Variants in GBE1 observed in about 807,000 individuals in gnomAD.
The protein encoded by GBE1 is 1,4-alpha-glucan branching enzyme 1.
Under a neutral mutation model 88.8 loss-of-function variants are expected in GBE1, and 70 were observed. The ratio of observed to expected loss-of-function variants is 0.79; its 90% confidence interval spans 0.65 to 0.96. The LOEUF (loss-of-function observed/expected upper bound fraction) is 0.96. GBE1 is among the 40% of genes least tolerant of loss of function. The pLI, the probability that GBE1 is intolerant of heterozygous loss-of-function variation, is 0.00. For synonymous variants in GBE1, 284 were observed against 300.1 expected (o/e 0.95, Z 0.56); for missense variants, 872 against 871.0 (o/e 1.00, Z -0.01).
intron 14 of GBE1, among the ~76,000 whole-genome samples, chr3:81,515,672 T>C (rs969958093): frequency 4.0e-5 from 6 of 151,652 alleles, no homozygotes; most frequent in African/African-American, 1.5e-4. Flanking sequence ...GGACAAAGGC[T>C]AGGTCCCTTA....
At chr3:81,722,886 G>A (rs1706052526) in intron 1 of GBE1, among the ~76,000 whole-genome samples, 1 of 104,854 alleles carries the variant, frequency 9.5e-6, no homozygotes, top group Non-Finnish European at 1.9e-5. Context: ...ACACGTGTGT[G>A]TGTGTGTGTG....
chr3:81,658,110 AT>A (rs1032667077), intron 3 of GBE1, among the ~76,000 whole-genome samples: 3 of 152,176 alleles, frequency 2.0e-5, no homozygotes, highest in Non-Finnish European at 4.4e-5. Context: ...ATCATAATGT[AT>A]TTTTTTTCTT....
intron 7 of GBE1, among the ~76,000 whole-genome samples, chr3:81,628,742 C>CATATATATATATATAT (rs71108330): frequency 4.1e-4 from 27 of 65,420 alleles, no homozygotes; most frequent in African/African-American, 6.3e-4. Flanking sequence ...AGAACAATTG[C>CATATATATATATATAT]ATATATATAT....
chr3:81,675,677 C>G (rs1340746878), intron 2 of GBE1, among the ~76,000 whole-genome samples: 1 of 151,980 alleles, frequency 6.6e-6, no homozygotes, highest in East Asian at 1.9e-4. Flanking sequence ...ACTCATATTC[C>G]TGTCTACTCT....
chr3:81,711,410 G>A (rs915207523), intron 1 of GBE1, among the ~76,000 whole-genome samples: 2 of 152,102 alleles, frequency 1.3e-5, no homozygotes, highest in African/African-American at 4.8e-5. Context: ...TTTTGGAAGG[G>A]TAAAAAAGCT....
At position 81,761,462 on chromosome 3, in the gene GBE1, T is replaced by C. The variant is rs769594412; in HGVS notation, c.56A>G (p.Asn19Ser). The C allele has an allele frequency of 1.5e-5, 24 of 1,613,392 alleles. No homozygotes were observed. Among genetic ancestry groups the C allele is most frequent in the African/African-American group, 6.7e-5 (5 of 74,908 alleles). Residue 19 changes from asparagine (N) to serine (S), a missense_variant, in exon 1 of 16, where the codon AAT (asparagine) becomes AGT (serine). By Grantham distance (46) the Asn-to-Ser change is conservative. Coordinates refer to ENST00000429644, the MANE Select transcript of GBE1 (RefSeq NM_000158.4). ...ARPEDYEAAL[N>S]AALADVPELA... ...TTCGGGCACGTCAGCCAGGGCGGCA[T>C]TGAGCGCCGCCTCGTAGTCCTCGGG...
At chr3:81,664,111 C>T (rs897007470) in intron 3 of GBE1, among the ~76,000 whole-genome samples, 5 of 151,876 alleles carry the variant, frequency 3.3e-5, no homozygotes, top group Admixed American at 2.6e-4. Flanking sequence ...TGCAAAAAGA[C>T]ACAGAAGTTG....
chr3:81,529,010 T>C (rs1702982575), intron 14 of GBE1, among the ~76,000 whole-genome samples: 1 of 152,078 alleles, frequency 6.6e-6, no homozygotes, highest in Non-Finnish European at 1.5e-5. Flanking sequence ...GCCATTTTGT[T>C]TTTTGTTTTC....
chr3:81,507,943 G>A (rs1234565624), intron 14 of GBE1, among the ~76,000 whole-genome samples: 1 of 152,142 alleles, frequency 6.6e-6, no homozygotes, highest in Non-Finnish European at 1.5e-5. Flanking sequence ...ATCCCTGCAA[G>A]TATGCTTCTT....
intron 1 of GBE1, among the ~76,000 whole-genome samples, chr3:81,716,243 A>G (rs1217029933): frequency 6.6e-6 from 1 of 152,200 alleles, no homozygotes; most frequent in Non-Finnish European, 1.5e-5. Flanking sequence ...GGCTACTTTC[A>G]GTCTCAAATT....
intron 1 of GBE1, among the ~76,000 whole-genome samples, chr3:81,706,575 C>A (rs925003559): frequency 1.3e-5 from 2 of 152,146 alleles, no homozygotes; most frequent in South Asian, 4.1e-4. Context: ...CCTCCCCATA[C>A]CCTCAGGGGT....
intron 14 of GBE1, chr3:81,534,944 T>C (rs528244891): frequency 2.2e-5 from 8 of 358,750 alleles, no homozygotes; most frequent in African/African-American, 1.8e-4. Context: ...TCCACAGCTC[T>C]TTCCTTTGAT....
chr3:81,722,376 C>T (rs957857344), intron 1 of GBE1, among the ~76,000 whole-genome samples: 5 of 152,050 alleles, frequency 3.3e-5, no homozygotes, highest in Non-Finnish European at 5.9e-5. Context: ...CACTGTATAT[C>T]AGAATGTAAC....
intron 7 of GBE1, among the ~76,000 whole-genome samples, chr3:81,637,754 A>G (rs1367303414): frequency 6.6e-6 from 1 of 152,132 alleles, no homozygotes; most frequent in Non-Finnish European, 1.5e-5. Flanking sequence ...CTTGCTAATC[A>G]TGATGGTGTC....
intron 7 of GBE1, among the ~76,000 whole-genome samples, chr3:81,634,154 C>T (rs867398747): frequency 6.6e-6 from 1 of 152,168 alleles, no homozygotes; most frequent in African/African-American, 2.4e-5. Context: ...GCCTCGTTCG[C>T]GAGTCCTGCT....
At chr3:81,695,552 G>A (rs1705579011) in intron 2 of GBE1, among the ~76,000 whole-genome samples, 1 of 152,118 alleles carries the variant, frequency 6.6e-6, no homozygotes, top group South Asian at 2.1e-4. Flanking sequence ...TGACGGAAGT[G>A]TTCTGAAACT....
At chr3:81,618,484 T>G (rs559200031) in intron 7 of GBE1, among the ~76,000 whole-genome samples, 11 of 152,216 alleles carry the variant, frequency 7.2e-5, no homozygotes, top group Admixed American at 2.0e-4. Context: ...CCACACTCCA[T>G]GATTCTACAT....
intron 3 of GBE1, among the ~76,000 whole-genome samples, chr3:81,665,801 C>A (rs1305138141): frequency 6.6e-6 from 1 of 152,072 alleles, no homozygotes; most frequent in Non-Finnish European, 1.5e-5. Flanking sequence ...TTCTATGACC[C>A]AAATGCAGGA....
chr3:81,629,118 G>A (rs1282646428), intron 7 of GBE1, among the ~76,000 whole-genome samples: 31 of 142,716 alleles, frequency 2.2e-4, no homozygotes, highest in African/African-American at 5.9e-4. Context: ...ATGCTGGTGC[G>A]CTGCACCCAC....
Sources: allele counts gnomAD v4.1 joint callset (sites outside exome capture counted in the v4.1 genomes callset), GRCh38; gene constraint gnomAD v4.1.1; transcripts MANE v1.5; gene names NCBI Gene and HGNC (gene_info 2026-07-23, HGNC 2026-07-21).